The following RANBP2 variants were observed in gnomAD, a reference collection of about 807,000 sequenced individuals.
RANBP2 encodes E3 SUMO-protein ligase RanBP2.
In RANBP2, 57 loss-of-function variants were observed where a neutral mutation model predicts 303.6. That is an observed-to-expected ratio of 0.19 (90% CI 0.15 to 0.23). The LOEUF (loss-of-function observed/expected upper bound fraction) is 0.23. Ranked by LOEUF, RANBP2 falls within the 10% of genes least tolerant of loss-of-function variation. The probability of loss-of-function intolerance (pLI) is 1.00; values close to 1 mark genes in which losing one functional copy is unlikely to be tolerated. For synonymous variants in RANBP2, 1,167 were observed against 1,301.5 expected (o/e 0.90, Z 2.23); for missense variants, 3,138 against 3,780.8 (o/e 0.83, Z 4.46).
the RANBP2 span, among the ~76,000 whole-genome samples, chr2:109,016,559 C>T: frequency 9.9e-5 from 15 of 152,156 alleles, no homozygotes; most frequent in African/African-American, 2.9e-4. Flanking sequence ...TGATCCTAGG[C>T]GTCCCGAGGT....
the RANBP2 span, among the ~76,000 whole-genome samples, chr2:109,289,054 C>G: frequency 6.6e-6 from 1 of 152,250 alleles, no homozygotes; most frequent in South Asian, 2.1e-4. Flanking sequence ...TCAACTGTTC[C>G]TGGAATAGGT....
At chr2:109,198,319 A>C in the RANBP2 span, among the ~76,000 whole-genome samples, 1 of 152,178 alleles carries the variant, frequency 6.6e-6, no homozygotes, top group Non-Finnish European at 1.5e-5. Context: ...CTGAGGAATA[A>C]ATTATCAACA....
At chr2:109,682,290 G>GAAT in the RANBP2 span, among the ~76,000 whole-genome samples, 1,492 of 152,274 alleles carry the variant, frequency 9.8e-3, 23 homozygotes, top group African/African-American at 0.031. Flanking sequence ...GATACACAAT[G>GAAT]AATGTTTTAG....
the RANBP2 span, among the ~76,000 whole-genome samples, chr2:109,447,892 A>G: frequency 2.0e-5 from 3 of 152,220 alleles, no homozygotes; most frequent in Non-Finnish European, 4.4e-5. Flanking sequence ...CACAGTTGTA[A>G]GGTTCCAGTT....
chr2:109,585,752 C>T, the RANBP2 span: 3 of 1,613,548 alleles, frequency 1.9e-6, no homozygotes, highest in Non-Finnish European at 2.5e-6. Flanking sequence ...AGAAACCTTG[C>T]TGAATGGATC....
At chr2:108,818,237 G>A in the RANBP2 span, among the ~76,000 whole-genome samples, 1 of 152,200 alleles carries the variant, frequency 6.6e-6, no homozygotes, top group East Asian at 1.9e-4. Context: ...ACCTGGGGGG[G>A]TCGAGGCTGC....
chr2:108,974,367 A>G, the RANBP2 span, among the ~76,000 whole-genome samples: 1 of 146,900 alleles, frequency 6.8e-6, no homozygotes, highest in Non-Finnish European at 1.5e-5. Flanking sequence ...AATGCCACAT[A>G]TTGACTGTGT....
the RANBP2 span, among the ~76,000 whole-genome samples, chr2:109,390,678 A>G: frequency 1.1e-4 from 16 of 152,158 alleles, no homozygotes; most frequent in Non-Finnish European, 2.2e-4. Flanking sequence ...GGCGAGACCC[A>G]TGGACTCTGG....
At chr2:109,457,323 T>C in the RANBP2 span, among the ~76,000 whole-genome samples, 1 of 152,260 alleles carries the variant, frequency 6.6e-6, no homozygotes, top group Non-Finnish European at 1.5e-5. Context: ...GAGGGGTTAA[T>C]TTTGTTATAT....
intron 6 of RANBP2, among the ~76,000 whole-genome samples, 172 bp from the exon 7 acceptor site, chr2:108,740,317 A>T (rs1483778066): frequency 6.6e-6 from 1 of 151,940 alleles, no homozygotes; most frequent in Admixed American, 6.6e-5. Flanking sequence ...TATGCAGGAT[A>T]AAAAAAAGCA....
the RANBP2 span, among the ~76,000 whole-genome samples, chr2:108,886,840 A>C: frequency 6.6e-6 from 1 of 152,196 alleles, no homozygotes; most frequent in Non-Finnish European, 1.5e-5. Context: ...ACTATTCATT[A>C]GGTTGTCTCT....
At chr2:109,567,459 C>A in the RANBP2 span, among the ~76,000 whole-genome samples, 31,248 of 152,084 alleles carry the variant, frequency 0.21, 3,802 homozygotes, top group South Asian at 0.27. Flanking sequence ...GATTTTACAG[C>A]ATGCAAAGGG....
At chr2:108,926,907 T>C in the RANBP2 span, among the ~76,000 whole-genome samples, 2 of 152,164 alleles carry the variant, frequency 1.3e-5, no homozygotes, top group African/African-American at 4.8e-5. Context: ...AAGACTCCTG[T>C]GATCCTCCTC....
chr2:108,945,380 G>A, the RANBP2 span, among the ~76,000 whole-genome samples: 5 of 152,222 alleles, frequency 3.3e-5, no homozygotes, highest in East Asian at 5.8e-4. Flanking sequence ...CCCAAGCAAC[G>A]CCAAGGCATT....
chr2:109,356,587 C>T, the RANBP2 span, among the ~76,000 whole-genome samples: 7 of 152,214 alleles, frequency 4.6e-5, no homozygotes, highest in African/African-American at 1.7e-4. Context: ...TAGTTTCTTC[C>T]TCAGCCAAAG....
chr2:108,725,405 G>A lies in RANBP2; in HGVS notation c.73-3727G>A, dbSNP rs529021838. 3.9e-5 allele frequency among the ~76,000 whole-genome samples: 6 copies of A among 152,298 alleles called. No individual in the cohort carries two copies. In the South Asian group the frequency reaches 1.2e-3, roughly 32 times the overall value. On this transcript the variant is annotated intron_variant, in intron 1 of 28. Coordinates refer to ENST00000283195, the MANE Select transcript of RANBP2 (RefSeq NM_006267.5). Reference sequence around the variant, plus strand: ...AATAACATAGTTGGAAGCAAAGAAGGTAATGGAATTATTTTTCTATTATGT... The same window carrying A: ...AATAACATAGTTGGAAGCAAAGAAGATAATGGAATTATTTTTCTATTATGT...
At chr2:109,524,469 A>AAAAAAAAAAAAAAAAAAAC in the RANBP2 span, among the ~76,000 whole-genome samples, 29 of 80,866 alleles carry the variant, frequency 3.6e-4, no homozygotes, top group East Asian at 2.9e-3. Context: ...AAAAAAAACA[A>AAAAAAAAAAAAAAAAAAAC]AACAACACTG....
chr2:109,231,519 C>T, the RANBP2 span, among the ~76,000 whole-genome samples: 1 of 152,142 alleles, frequency 6.6e-6, no homozygotes, highest in Non-Finnish European at 1.5e-5. Flanking sequence ...GAATAAATAT[C>T]GTGCTCTGTT....
the RANBP2 span, among the ~76,000 whole-genome samples, chr2:108,888,572 T>G: frequency 1.3e-5 from 2 of 152,114 alleles, no homozygotes; most frequent in African/African-American, 4.8e-5. Flanking sequence ...TTTATCCATT[T>G]TCTCTGTGTT....
Sources: allele counts gnomAD v4.1 joint callset (sites outside exome capture counted in the v4.1 genomes callset), GRCh38; gene constraint gnomAD v4.1.1; transcripts MANE v1.5; gene names NCBI Gene and HGNC (gene_info 2026-07-23, HGNC 2026-07-21).